Variants in TAF4 observed in about 807,000 individuals in gnomAD.
The protein encoded by TAF4 is transcription initiation factor TFIID subunit 4.
A neutral mutation model predicts 90.3 loss-of-function variants in TAF4; 9 were observed. The observed-to-expected ratio is 0.10, with a 90% CI of 0.06 to 0.17. The LOEUF (loss-of-function observed/expected upper bound fraction) is 0.17. TAF4 is among the 10% of genes least tolerant of loss of function. The pLI is 1.00. For synonymous variants in TAF4, 818 were observed against 638.9 expected, an observed-to-expected ratio of 1.28 and a Z score of -4.23; for missense variants, 1,351 against 1,370.7, an observed-to-expected ratio of 0.99 and a Z score of 0.23.
At chr20:62,033,078 C>G (rs2055913227) in intron 1 of TAF4, among the ~76,000 whole-genome samples, 1 of 152,110 alleles carries the variant, frequency 6.6e-6, no homozygotes, top group South Asian at 2.1e-4. Context: ...AAGAAAGCAG[C>G]AAGGATACGG....
chr20:62,051,883 C>G (rs1433854850), intron 1 of TAF4, among the ~76,000 whole-genome samples: 2 of 152,192 alleles, frequency 1.3e-5, no homozygotes, highest in Non-Finnish European at 2.9e-5. Flanking sequence ...GGAACCTGCA[C>G]CCACAGGACA....
rs1600846091 is a variant in TAF4 at position 62,017,981 on chromosome 20, G to A, written c.1361-3274C>T. On this transcript the variant is annotated intron_variant, in intron 1 of 14. Transcript: ENST00000252996. ...ACAGAAGTGTAGGGAAACAGCCATG[G>A]GTCACTGTGAAAATGTGCCCTGTGG... is the stretch of plus-strand genomic sequence containing the variant. 2.7e-5 allele frequency among the ~76,000 whole-genome samples: 4 copies of A among 149,538 alleles called. 1 individual carries two copies. The highest frequency in any genetic ancestry group is 2.6e-4 in the Admixed American group (4 of 15,174).
intron 11 of TAF4, among the ~76,000 whole-genome samples, chr20:61,999,898 A>C (rs753620579): frequency 7.7e-4 from 117 of 152,364 alleles, no homozygotes; most frequent in Non-Finnish European, 1.5e-3. Flanking sequence ...GCAGTGAGCC[A>C]AGACTGCGCC....
At chr20:61,997,763 G>C in intron 13 of TAF4, 94 bp from the exon 14 acceptor site, 1 of 1,402,480 alleles carries the variant, frequency 7.1e-7, no homozygotes. Flanking sequence ...GTTTTCTGTA[G>C]TTTTCTAAAT....
chr20:62,053,654 G>A (rs949354537), intron 1 of TAF4, among the ~76,000 whole-genome samples: 19 of 152,204 alleles, frequency 1.2e-4, no homozygotes, highest in Admixed American at 3.3e-4. Flanking sequence ...AGCTACTGCC[G>A]AGTGAACGTT....
chr20:62,037,227 C>T (rs750985174), intron 1 of TAF4, among the ~76,000 whole-genome samples: 2 of 152,080 alleles, frequency 1.3e-5, no homozygotes, highest in South Asian at 2.1e-4. Flanking sequence ...CCCTTCTCAA[C>T]GCTTCTGTTT....
At chr20:62,061,255 G>T (rs759141832) in intron 1 of TAF4, among the ~76,000 whole-genome samples, 1 of 152,232 alleles carries the variant, frequency 6.6e-6, no homozygotes, top group East Asian at 1.9e-4. Context: ...CCAACAGCGC[G>T]ATTAAGGGCT....
At chr20:61,982,186 A>C (rs1192790072) in intron 14 of TAF4, among the ~76,000 whole-genome samples, 26 of 3,906 alleles carry the variant, frequency 6.7e-3, no homozygotes, top group East Asian at 0.027. Flanking sequence ...AGGAGACACC[A>C]AACCCACACC....
chr20:62,022,923 A>G lies in TAF4; in HGVS notation c.1361-8216T>C, dbSNP rs1177433883. ...CATGAACTTTGATTCATCCTCCCCT[A>G]AAACTACAAAATGCTGATTAAAACA... On this transcript the variant is annotated intron_variant, in intron 1 of 14. Transcript: ENST00000252996. Among the ~76,000 whole-genome samples, 5 of 149,420 alleles carry G rather than the reference A, an allele frequency of 3.3e-5. 1 individual carries two copies. Among genetic ancestry groups the G allele is most frequent in the Non-Finnish European group, 1.5e-5 (1 of 67,240 alleles).
chr20:62,063,983 G>A (rs1264782789), intron 1 of TAF4, among the ~76,000 whole-genome samples: 2 of 152,218 alleles, frequency 1.3e-5, no homozygotes, highest in African/African-American at 4.8e-5. Flanking sequence ...AGGCTAAGTG[G>A]GGACACAGGC....
chr20:61,999,849 G>A (rs1052670927), intron 11 of TAF4, among the ~76,000 whole-genome samples: 2 of 152,192 alleles, frequency 1.3e-5, no homozygotes, highest in Admixed American at 6.5e-5. Context: ...CTTGGGAGGC[G>A]AAGGCACAAG....
chr20:62,021,982 C>A (rs1682365011), intron 1 of TAF4, among the ~76,000 whole-genome samples: 1 of 152,148 alleles, frequency 6.6e-6, no homozygotes, highest in Admixed American at 6.5e-5. Flanking sequence ...CTCAGGCACA[C>A]AGCGGCCAGC....
In TAF4 at chr20:62,064,690, A is replaced by G; in HGVS notation, c.1121T>C (p.Val374Ala). 8.0e-7 allele frequency: 1 copy of G among 1,256,584 alleles called. No homozygotes were observed. The highest frequency in any genetic ancestry group is 9.9e-7 in the Non-Finnish European group (1 of 1,006,316). 77.8% of individuals were successfully genotyped at this position (1,256,584 alleles called of 1,614,324 possible). ...CGCCCCTTGCATAGTTGGCCCGATG[A>G]CCATGCTGGCCGCCGTGCTGGCCGG... ...SGPASTAASM[V>A]IGPTMQGALP... The change falls in exon 1 of 15, where the codon GTC (valine) becomes GCC (alanine). Residue 374 changes from valine (V) to alanine (A), a missense_variant. Coordinates refer to ENST00000252996, the MANE Select transcript of TAF4 (RefSeq NM_003185.4).
At chr20:62,008,892 C>G in intron 5 of TAF4, 160 bp downstream of exon 5, 2 of 929,088 alleles carry the variant, frequency 2.2e-6, no homozygotes, top group East Asian at 2.8e-5. Context: ...AGGCCACACA[C>G]GCCTTCGACA....
intron 1 of TAF4, among the ~76,000 whole-genome samples, chr20:62,043,311 G>A (rs1419106783): frequency 6.6e-6 from 1 of 152,156 alleles, no homozygotes; most frequent in Non-Finnish European, 1.5e-5. Flanking sequence ...AGAGCTTACA[G>A]AATAAGGATA....
intron 1 of TAF4, among the ~76,000 whole-genome samples, chr20:62,020,748 CA>C (rs1330367589): frequency 6.6e-6 from 1 of 152,184 alleles, no homozygotes; most frequent in Non-Finnish European, 1.5e-5. Flanking sequence ...ATACGACAGT[CA>C]AATTAAAAAT....
intron 2 of TAF4, among the ~76,000 whole-genome samples, chr20:62,013,732 C>G (rs1005030254): frequency 2.6e-5 from 4 of 152,204 alleles, no homozygotes; most frequent in African/African-American, 7.2e-5. Context: ...GGAAACACGG[C>G]AGGAGACGGG....
rs1396516220 is a variant in TAF4 at position 62,007,533 on chromosome 20, G to A, written c.1974+14C>T. ...GGCCCTACTGCTCGCAGGCACCGGG[G>A]CCTTTGAAATTACCTTCAGGAAAGG... On this transcript the variant is annotated intron_variant, in intron 6 of 14. Coordinates refer to ENST00000252996, the MANE Select transcript of TAF4 (RefSeq NM_003185.4). 1 of 1,613,374 alleles carries A rather than the reference G, an allele frequency of 6.2e-7. No individual in the cohort carries two copies.
intron 5 of TAF4, 87 bp from the exon 6 acceptor site, chr20:62,007,723 AC>A: frequency 1.5e-6 from 2 of 1,321,128 alleles, no homozygotes; most frequent in Non-Finnish European, 2.1e-6. Context: ...CTCGTATTTT[AC>A]GGCTGATTCC....
Sources: gnomAD v4.1 joint callset for allele counts (sites outside exome capture counted in the v4.1 genomes callset) on GRCh38, gnomAD v4.1.1 for gene constraint, MANE v1.5 for transcripts, NCBI Gene and HGNC (gene_info 2026-07-23, HGNC 2026-07-21) for gene names.